Variants in DUSP12 observed in about 807,000 individuals in gnomAD.
DUSP12 encodes dual specificity protein phosphatase 12.
Under a neutral mutation model 38.9 loss-of-function variants are expected in DUSP12, and 25 were observed. That is an observed-to-expected ratio of 0.64 (90% CI 0.47 to 0.90). The LOEUF (loss-of-function observed/expected upper bound fraction) is 0.90, where lower values mean the gene tolerates loss of function less well. DUSP12 is among the 40% of genes least tolerant of loss of function. The pLI is 0.00. For missense variants in DUSP12, 403 were observed against 427.0 expected (o/e 0.94, Z 0.50); for synonymous variants, 153 against 153.9 (o/e 0.99, Z 0.05).
Position 161,753,452 on chromosome 1 carries a change from T to C in DUSP12, c.861+191T>C, listed in dbSNP as rs1319282840. ...TTTTCAAAAACCAGCTGATCCAACATAGTGAACTACTTCTGGTTGAGAGCC... is the reference window on the plus strand; with the variant it reads ...TTTTCAAAAACCAGCTGATCCAACACAGTGAACTACTTCTGGTTGAGAGCC... On this transcript the variant is annotated intron_variant, in intron 5 of 5. Transcript: ENST00000367943. 7 of 397,162 alleles carry C rather than the reference T, an allele frequency of 1.8e-5. No homozygotes were observed. The South Asian group carries it at 6.2e-4, about 35-fold the overall frequency. The allele number at this position is 397,162 out of a possible 1,614,324, so 24.6% of individuals were successfully genotyped here.
At chr1:161,756,482 G>GATATATATATAT (rs1225002519) in intron 5 of DUSP12, among the ~76,000 whole-genome samples, 2 of 68,714 alleles carry the variant, frequency 2.9e-5, no homozygotes, top group Non-Finnish European at 5.8e-5. Context: ...TGATTTAAAA[G>GATATATATATAT]CTATATATAT....
At chr1:161,754,902 C>T (rs1285509384) in intron 5 of DUSP12, among the ~76,000 whole-genome samples, 1 of 152,182 alleles carries the variant, frequency 6.6e-6, no homozygotes, top group Non-Finnish European at 1.5e-5. Context: ...ACAATCTTGG[C>T]TCACCACAAC....
intron 5 of DUSP12, among the ~76,000 whole-genome samples, chr1:161,754,360 T>C: frequency 6.6e-6 from 1 of 152,196 alleles, no homozygotes; most frequent in Non-Finnish European, 1.5e-5. Flanking sequence ...CTTATTATAG[T>C]ATAATTCACA....
At chr1:161,756,483 CTATATATATATATATATA>C (rs10527814) in intron 5 of DUSP12, among the ~76,000 whole-genome samples, 5,089 of 124,690 alleles carry the variant, frequency 0.041, 206 homozygotes, top group Non-Finnish European at 0.066. Flanking sequence ...GATTTAAAAG[CTATATATATATATATATA>C]TATATATATA....
intron 5 of DUSP12, among the ~76,000 whole-genome samples, chr1:161,756,290 G>T (rs1263227962): frequency 6.6e-6 from 1 of 151,990 alleles, no homozygotes; most frequent in Non-Finnish European, 1.5e-5. Context: ...AGAAAATGCA[G>T]TTGCCTTATT....
Position 161,753,111 on chromosome 1 carries a change from C to T in DUSP12, c.711C>T (p.His237=). ...TTCGAAGTTCTAGTATTCTGGATCACCGTGAAGGAAGTGGACCTATAGCCT... is the reference window on the plus strand; with the variant it reads ...TTCGAAGTTCTAGTATTCTGGATCATCGTGAAGGAAGTGGACCTATAGCCT... The part of the protein sequence containing the change: ...SLFRSSSILD[H]REGSGPIAFA... Residue 237 remains histidine (H), a synonymous_variant, in exon 5 of 6, where the codon CAC becomes CAT. Transcript: ENST00000367943. 3.7e-6 allele frequency: 6 copies of T among 1,611,490 alleles called. No individual in the cohort carries two copies. Among genetic ancestry groups the T allele is most frequent in the Non-Finnish European group, 5.1e-6 (6 of 1,178,956 alleles).
rs1447665762 is a variant in DUSP12, at chr1:161,751,543, G to C, written c.345-125G>C. ...ACCTTGATAATATTTCAGAGGCAAT[G>C]GGCTTATTTGAGAAGCAAAAATGAA... On this transcript the variant is annotated intron_variant, in intron 1 of 5. Transcript: ENST00000367943. 3.4e-6 allele frequency: 4 copies of C among 1,183,964 alleles called. No individual in the cohort carries two copies. The African/African-American group carries it at 6.2e-5, about 18-fold the overall frequency. The allele number at this position is 1,183,964 out of a possible 1,614,324, so 73.3% of individuals were successfully genotyped here. A position where few individuals can be genotyped will look rare whatever the true frequency, so the allele number is the denominator to read the frequency against.
Position 161,753,102 on chromosome 1 carries a change from T to G in DUSP12, c.702T>G (p.Ile234Met), listed in dbSNP as rs61758450. Residue 234 changes from isoleucine to methionine, a missense_variant, in exon 5 of 6, where the codon ATT becomes ATG. Transcript: ENST00000367943. ...GATCATTATTTCGAAGTTCTAGTATTCTGGATCACCGTGAAGGAAGTGGAC... is the reference window on the plus strand; with the variant it reads ...GATCATTATTTCGAAGTTCTAGTATGCTGGATCACCGTGAAGGAAGTGGAC... ...CRRSLFRSSSILDHREGSGPI... is the reference protein window; with the variant it reads ...CRRSLFRSSSMLDHREGSGPI... The G allele has an allele frequency of 8.1e-6, 13 of 1,610,070 alleles. No individual in the cohort carries two copies. Among genetic ancestry groups the G allele is most frequent in the Non-Finnish European group, 1.1e-5 (13 of 1,178,568 alleles).
At chr1:161,756,716 G>A (rs1468988704) in intron 5 of DUSP12, 70 bp from the exon 6 acceptor site, 1 of 1,554,086 alleles carries the variant, frequency 6.4e-7, no homozygotes, top group East Asian at 2.3e-5. Context: ...ATCCTATATT[G>A]ATTGCCAAAG....
chr1:161,752,397 G>A lies in DUSP12; in HGVS notation c.607G>A (p.Ala203Thr). Residue 203 changes from alanine to threonine, a missense_variant, in exon 4 of 6, where the codon GCT becomes ACT. By Grantham distance (58) the Ala-to-Thr change is moderately conservative. Coordinates refer to ENST00000367943, the MANE Select transcript of DUSP12 (RefSeq NM_007240.3). The stretch of plus-strand genomic sequence containing the variant: ...GCAGAATTTACCTCAAGAACTCTTT[G>A]CTGTTGACCCAACTACCGTTTCACA... ...ELQNLPQELF[A>T]VDPTTVSQGL... The A allele has an allele frequency of 6.2e-7, 1 of 1,612,840 alleles. No homozygotes were observed. The highest frequency in any genetic ancestry group is 8.5e-7 in the Non-Finnish European group (1 of 1,179,162).
At chr1:161,751,553 G>A in intron 1 of DUSP12, 115 bp from the exon 2 acceptor site, 3 of 1,334,904 alleles carry the variant, frequency 2.2e-6, no homozygotes, top group Non-Finnish European at 3.0e-6. Context: ...GGGCTTATTT[G>A]AGAAGCAAAA....
At position 161,753,145 on chromosome 1, in the gene DUSP12, A is replaced by G. The variant is rs1571100466; in HGVS notation, c.745A>G (p.Lys249Glu). ...EGSGPIAFAH[K>E]RMTPSSMLTT... is the part of the protein sequence containing the mutation. ...AAGTGGACCTATAGCCTTTGCCCAC[A>G]AGAGAATGACACCATCTTCCATGCT... Residue 249 changes from lysine to glutamate, a missense_variant, in exon 5 of 6, where the codon AAG becomes GAG. Coordinates refer to ENST00000367943, the MANE Select transcript of DUSP12 (RefSeq NM_007240.3). 1 of 1,614,108 alleles carries G rather than the reference A, an allele frequency of 6.2e-7. No individual in the cohort carries two copies. Among genetic ancestry groups the G allele is most frequent in the Non-Finnish European group, 8.5e-7 (1 of 1,179,984 alleles).
Position 161,752,527 on chromosome 1 carries a change from T to G in DUSP12, c.674+63T>G, listed in dbSNP as rs1023627278. On this transcript the variant is annotated intron_variant, in intron 4 of 5. Coordinates refer to ENST00000367943, the MANE Select transcript of DUSP12 (RefSeq NM_007240.3). ...CTCAGTAGCTGAAAAGTACTTAATG[T>G]TTTATTTTCTTAAATTTCTGTAGGA... 5.0e-5 allele frequency: 55 copies of G among 1,089,916 alleles called. No individual in the cohort carries two copies. In the African/African-American group the frequency reaches 8.2e-4, roughly 16 times the overall value. 67.5% of individuals were successfully genotyped at this position (1,089,916 alleles called of 1,614,324 possible).
Position 161,756,809 on chromosome 1 carries a change from C to G in DUSP12, c.885C>G (p.Ala295=), listed in dbSNP as rs758772100. 1.2e-6 allele frequency: 2 copies of G among 1,612,218 alleles called. No homozygotes were observed. Among genetic ancestry groups the G allele is most frequent in the South Asian group, 1.1e-5 (1 of 90,848 alleles). The part of the protein sequence containing the change: ...DGQLLCPKCS[A]KLGSFNWYGE... ...AGCTTCTTTGCCCAAAATGCAGTGCCAAGTTGGGTTCCTTCAACTGGTATG... is the reference window on the plus strand; with the variant it reads ...AGCTTCTTTGCCCAAAATGCAGTGCGAAGTTGGGTTCCTTCAACTGGTATG... The change falls in exon 6 of 6, where the codon GCC becomes GCG. Residue 295 remains alanine (A), a synonymous_variant. Transcript: ENST00000367943.
chr1:161,752,958 C>G, intron 4 of DUSP12, 117 bp from the exon 5 acceptor site: 1 of 1,089,174 alleles, frequency 9.2e-7, no homozygotes, highest in South Asian at 1.7e-5. Flanking sequence ...CCACTGCACT[C>G]TAGCATGGGC....
At chr1:161,754,571 C>T (rs572242800) in intron 5 of DUSP12, among the ~76,000 whole-genome samples, 125 of 152,276 alleles carry the variant, frequency 8.2e-4, no homozygotes, top group Admixed American at 2.7e-3. Context: ...AACTTATTAT[C>T]ATGGCAGAAG....
At chr1:161,754,102 T>A (rs1049165795) in intron 5 of DUSP12, among the ~76,000 whole-genome samples, 4 of 152,240 alleles carry the variant, frequency 2.6e-5, no homozygotes, top group Non-Finnish European at 4.4e-5. Flanking sequence ...TCTATAATAA[T>A]CATCTTAATA....
Position 161,757,055 on chromosome 1 carries a change from G to T in DUSP12, c.*108G>T. ...TGCTTTCAACATTTCATTTGAAATG[G>T]GAGAAGATAAAATCACTTGATGTAA... On this transcript the variant is annotated 3_prime_UTR_variant, in exon 6 of 6. Transcript: ENST00000367943. 1.8e-6 allele frequency: 2 copies of T among 1,104,328 alleles called. No homozygotes were observed. Among genetic ancestry groups the T allele is most frequent in the Non-Finnish European group, 2.5e-6 (2 of 792,414 alleles). 68.4% of individuals were successfully genotyped at this position (1,104,328 alleles called of 1,614,324 possible).
rs908569518 is a variant in DUSP12 at position 161,756,890 on chromosome 1, T to C, written c.966T>C (p.Asn322=). The change falls in exon 6 of 6, where the codon AAT becomes AAC. Residue 322 remains asparagine, a synonymous_variant. Transcript: ENST00000367943. The stretch of plus-strand genomic sequence containing the variant: ...CACCTGCTTTTCAAATACATAAGAA[T>C]AGAGTGGATGAAATGAAAATATTGC... The part of the protein sequence containing the change: ...WITPAFQIHK[N]RVDEMKILPV... 6.2e-7 allele frequency: 1 copy of C among 1,613,536 alleles called. No individual in the cohort carries two copies. The highest frequency in any genetic ancestry group is 1.7e-5 in the Admixed American group (1 of 60,002).
Sources: gnomAD v4.1 joint callset for allele counts (sites outside exome capture counted in the v4.1 genomes callset) on GRCh38, gnomAD v4.1.1 for gene constraint, MANE v1.5 for transcripts, NCBI Gene and HGNC (gene_info 2026-07-23, HGNC 2026-07-21) for gene names.